The following PARD6B variants were observed in gnomAD, a reference collection of about 807,000 sequenced individuals.
The protein encoded by PARD6B is partitioning defective 6 homolog beta.
Under a neutral mutation model 10.5 loss-of-function variants are expected in PARD6B, and 4 were observed. The observed-to-expected ratio is 0.38, with a 90% CI of 0.19 to 0.87. The LOEUF (loss-of-function observed/expected upper bound fraction) is 0.87, where lower values mean the gene tolerates loss of function less well. PARD6B is among the 40% of genes least tolerant of loss of function. The pLI, the probability that PARD6B is intolerant of heterozygous loss-of-function variation, is 0.41. For synonymous variants in PARD6B, 169 were observed against 170.4 expected, an observed-to-expected ratio of 0.99 and a Z score of 0.07; for missense variants, 396 against 470.6, an observed-to-expected ratio of 0.84 and a Z score of 1.47.
Position 50,750,850 on chromosome 20 carries a change from C to CT in PARD6B, c.*365dup, listed in dbSNP as rs2087601162. ...CTGTGCAGAGCCCAGTTAATTTTTCCTTTAACTGTATTTTTAAAATTCTAA... is the reference window on the plus strand; with the variant it reads ...CTGTGCAGAGCCCAGTTAATTTTTCCTTTTAACTGTATTTTTAAAATTCTAA... On this transcript the variant is annotated 3_prime_UTR_variant, in exon 3 of 3. Coordinates refer to ENST00000371610, the MANE Select transcript of PARD6B (RefSeq NM_032521.3). The CT allele has an allele frequency of 2.0e-6, 2 of 1,005,212 alleles. No individual in the cohort carries two copies. The highest frequency in any genetic ancestry group is 1.2e-6 in the Non-Finnish European group (1 of 841,670). The allele number at this position is 1,005,212 out of a possible 1,614,324, so 62.3% of individuals were successfully genotyped here.
rs868236044 is a variant in PARD6B, at chr20:50,749,558, A to T, written c.290-101A>T. The T allele has an allele frequency of 4.7e-6, 5 of 1,053,266 alleles. No homozygotes were observed. The Middle Eastern group carries it at 8.2e-4, about 174-fold the overall frequency. The allele number at this position is 1,053,266 out of a possible 1,614,324, so 65.2% of individuals were successfully genotyped here. ...AGCTTATTAGCTAGTTTGTTTATAT[A>T]CCAAATATATTTTGAGTTATCCTTT... On this transcript the variant is annotated intron_variant, in intron 2 of 2. Transcript: ENST00000371610.
intron 1 of PARD6B, among the ~76,000 whole-genome samples, chr20:50,736,944 C>T (rs1184825129): frequency 3.9e-5 from 6 of 152,278 alleles, no homozygotes; most frequent in East Asian, 1.9e-4. Flanking sequence ...GTGATCCTCC[C>T]GCCTCAGCCT....
chr20:50,739,676 CA>C (rs1314055110), intron 2 of PARD6B, among the ~76,000 whole-genome samples: 1 of 152,074 alleles, frequency 6.6e-6, no homozygotes, highest in African/African-American at 2.4e-5. Context: ...CTTTCACACA[CA>C]AATTAATGTT....
intron 1 of PARD6B, 66 bp from the exon 2 acceptor site, chr20:50,737,791 C>A: frequency 1.9e-6 from 2 of 1,045,986 alleles, no homozygotes; most frequent in Non-Finnish European, 2.7e-6. Flanking sequence ...CTATGGCATG[C>A]ATTTTCAAAT....
At position 50,753,100 on chromosome 20, in the gene PARD6B, CAG is replaced by C. The variant is rs2087623936; in HGVS notation, c.*2614_*2615del. On this transcript the variant is annotated 3_prime_UTR_variant, in exon 3 of 3. Coordinates refer to ENST00000371610, the MANE Select transcript of PARD6B (RefSeq NM_032521.3). The stretch of plus-strand genomic sequence containing the variant: ...CTTTTTTTTTTTAAAGTTTTAACAT[CAG>C]AACTTTTGGGGGAAAAACTACTTCA... 1 of 982,978 alleles carries C rather than the reference CAG, an allele frequency of 1.0e-6. No homozygotes were observed. Among genetic ancestry groups the C allele is most frequent in the African/African-American group, 1.8e-5 (1 of 56,746 alleles). The allele number at this position is 982,978 out of a possible 1,614,324, so 60.9% of individuals were successfully genotyped here. A position where few individuals can be genotyped will look rare whatever the true frequency, so the allele number is the denominator to read the frequency against.
In PARD6B at chr20:50,738,023, A is replaced by G; in HGVS notation, c.233A>G (p.Tyr78Cys). 6.2e-7 allele frequency: 1 copy of G among 1,612,892 alleles called. No homozygotes were observed. The highest frequency in any genetic ancestry group is 8.5e-7 in the Non-Finnish European group (1 of 1,179,686). ...DLLPINNDDN[Y>C]HKAVSTANPL... ...CTACCTATAAATAATGATGATAATTATCACAAAGCTGTTTCAACGGCCAAT... is the reference window on the plus strand; with the variant it reads ...CTACCTATAAATAATGATGATAATTGTCACAAAGCTGTTTCAACGGCCAAT... The change falls in exon 2 of 3, where the codon TAT (tyrosine) becomes TGT (cysteine). Residue 78 changes from tyrosine to cysteine, a missense_variant. Tyr to Cys is a radical substitution (Grantham distance 194, BLOSUM62 -2). Around this residue, in one of 2 missense-constraint regions of PARD6B, gnomAD observed 208 missense variants for 300.9 expected, o/e 0.69. Coordinates refer to ENST00000371610, the MANE Select transcript of PARD6B (RefSeq NM_032521.3).
Position 50,731,819 on chromosome 20 carries a change from C to T in PARD6B, c.33C>T (p.Ser11=). 1 of 1,463,032 alleles carries T rather than the reference C, an allele frequency of 6.8e-7. No homozygotes were observed. Among genetic ancestry groups the T allele is most frequent in the Non-Finnish European group, 9.0e-7 (1 of 1,112,958 alleles). 90.6% of individuals were successfully genotyped at this position (1,463,032 alleles called of 1,614,324 possible). A position where few individuals can be genotyped will look rare whatever the true frequency, so the allele number is the denominator to read the frequency against. Residue 11 remains serine (S), a synonymous_variant, in exon 1 of 3, where the codon AGC becomes AGT. Coordinates refer to ENST00000371610, the MANE Select transcript of PARD6B (RefSeq NM_032521.3). MNRSHRHGAG[S]GCLGTMEVKS... ...GCAGCCACCGGCACGGGGCGGGCAG[C>T]GGCTGCCTGGGCACTATGGAGGTGA...
chr20:50,751,097 G>A lies in PARD6B; in HGVS notation c.*609G>A. On this transcript the variant is annotated 3_prime_UTR_variant, in exon 3 of 3. Transcript: ENST00000371610. Reference sequence around the variant, plus strand: ...CAGTCCTCCCACCTCAGCCTCCTGAGTAGCTGGGACCATAGGCACATACCA... The same window carrying A: ...CAGTCCTCCCACCTCAGCCTCCTGAATAGCTGGGACCATAGGCACATACCA... 3 of 486,666 alleles carry A rather than the reference G, an allele frequency of 6.2e-6. No homozygotes were observed. The highest frequency in any genetic ancestry group is 8.0e-6 in the Non-Finnish European group (3 of 376,136). 30.1% of individuals were successfully genotyped at this position (486,666 alleles called of 1,614,324 possible). A position where few individuals can be genotyped will look rare whatever the true frequency, so the allele number is the denominator to read the frequency against.
rs2087603188 is a variant in PARD6B at position 50,750,954 on chromosome 20, A to ATTTTTTTTTTTTGTTTTTTTTTTTT, written c.*478_*479insGTTTTTTTTTTTTTTTTTTTTTTTT. The ATTTTTTTTTTTTGTTTTTTTTTTTT allele has an allele frequency of 2.7e-6, 1 of 365,692 alleles. No individual in the cohort carries two copies. The highest frequency in any genetic ancestry group is 3.3e-6 in the Non-Finnish European group (1 of 307,490). 22.7% of individuals were successfully genotyped at this position (365,692 alleles called of 1,614,324 possible). A position where few individuals can be genotyped will look rare whatever the true frequency, so the allele number is the denominator to read the frequency against. ...CTCATGTTCCCAATATTTTATTTTG[A>ATTTTTTTTTTTTGTTTTTTTTTTTT]TTTTTTTTTTTTTTTTTTTTTTTTT... On this transcript the variant is annotated 3_prime_UTR_variant, in exon 3 of 3. Coordinates refer to ENST00000371610, the MANE Select transcript of PARD6B (RefSeq NM_032521.3).
chr20:50,748,597 A>C (rs953823345), intron 2 of PARD6B, among the ~76,000 whole-genome samples: 1 of 152,206 alleles, frequency 6.6e-6, no homozygotes, highest in Non-Finnish European at 1.5e-5. Context: ...CAGTGATCAT[A>C]GTGCGCTGCA....
intron 2 of PARD6B, among the ~76,000 whole-genome samples, chr20:50,739,397 T>C (rs529334106): frequency 8.7e-4 from 132 of 152,060 alleles, no homozygotes; most frequent in African/African-American, 3.2e-3. Context: ...GCCGAGATCG[T>C]ACCACTGCAC....
chr20:50,749,647 A>G lies in PARD6B; in HGVS notation c.290-12A>G, dbSNP rs776227752. The stretch of plus-strand genomic sequence containing the variant: ...AGCATTTCTATAATTATTTTGTTTT[A>G]TTTTTAAACAGAAGAAGCAGACTAC... On this transcript the variant is annotated splice_polypyrimidine_tract_variant and intron_variant, in intron 2 of 2. Transcript: ENST00000371610. 5 of 1,548,466 alleles carry G rather than the reference A, an allele frequency of 3.2e-6. No homozygotes were observed. The highest frequency in any genetic ancestry group is 4.4e-5 in the Admixed American group (2 of 45,640).
At chr20:50,732,063 A>G (rs1307133060) in intron 1 of PARD6B, among the ~76,000 whole-genome samples, 1 of 152,260 alleles carries the variant, frequency 6.6e-6, no homozygotes. Context: ...CCGGGCAGGA[A>G]GAAGACCTAG....
chr20:50,738,175 T>A, intron 2 of PARD6B, 96 bp downstream of exon 2: 1 of 820,812 alleles, frequency 1.2e-6, no homozygotes, highest in Non-Finnish European at 1.8e-6. Flanking sequence ...ACTTAGTGAA[T>A]AAACATTTTG....
chr20:50,735,209 G>T (rs2087493650), intron 1 of PARD6B, among the ~76,000 whole-genome samples: 1 of 152,126 alleles, frequency 6.6e-6, no homozygotes, highest in South Asian at 2.1e-4. Context: ...TTCACACGTG[G>T]AAGGGAAAAA....
At position 50,750,762 on chromosome 20, in the gene PARD6B, A is replaced by G. The variant is rs2087600516; in HGVS notation, c.*274A>G. On this transcript the variant is annotated 3_prime_UTR_variant, in exon 3 of 3. Transcript: ENST00000371610. ...TGTGGAGAATCAGATGTTAAAGCACATTCTTGGAACTATGTGAGAAGACTA... is the reference window on the plus strand; with the variant it reads ...TGTGGAGAATCAGATGTTAAAGCACGTTCTTGGAACTATGTGAGAAGACTA... The G allele has an allele frequency of 5.8e-6, 7 of 1,199,684 alleles. No homozygotes were observed. The highest frequency in any genetic ancestry group is 2.2e-5 in the South Asian group (1 of 45,948). The allele number at this position is 1,199,684 out of a possible 1,614,324, so 74.3% of individuals were successfully genotyped here.
rs1396757366 is a variant in PARD6B, at chr20:50,737,899, C to T, written c.109C>T (p.Pro37Ser). ...TCGGTTTTCGCTGGAAAGATCAAAA[C>T]CTGGAAAATTTGAGGAGTTTTATGG... ...FRRFSLERSK[P>S]GKFEEFYGLL... The change falls in exon 2 of 3, where the codon CCT becomes TCT. Residue 37 changes from proline (P) to serine (S), a missense_variant. Physicochemically the swap from Pro to Ser is moderately conservative, Grantham distance 74. Coordinates refer to ENST00000371610, the MANE Select transcript of PARD6B (RefSeq NM_032521.3). 10 of 1,605,072 alleles carry T rather than the reference C, an allele frequency of 6.2e-6. No homozygotes were observed. The highest frequency in any genetic ancestry group is 1.3e-5 in the African/African-American group (1 of 74,122).
chr20:50,749,766 A>G lies in PARD6B; in HGVS notation c.397A>G (p.Ile133Val). Reference sequence around the variant, plus strand: ...CCATAGAAAAAAGCCACATATAGTCATTAGTATGCCCCAAGACTTTAGACC... The same window carrying G: ...CCATAGAAAAAAGCCACATATAGTCGTTAGTATGCCCCAAGACTTTAGACC... ...DNHRKKPHIV[I>V]SMPQDFRPVS... The change falls in exon 3 of 3, where the codon ATT becomes GTT. Residue 133 changes from isoleucine to valine, a missense_variant. By Grantham distance (29) the Ile-to-Val change is conservative. This residue lies in a region of PARD6B where 208 missense variants were observed against 300.9 expected (regional missense o/e 0.69). Coordinates refer to ENST00000371610, the MANE Select transcript of PARD6B (RefSeq NM_032521.3). 6.2e-7 allele frequency: 1 copy of G among 1,614,230 alleles called. No individual in the cohort carries two copies.
intron 1 of PARD6B, among the ~76,000 whole-genome samples, chr20:50,735,630 A>G (rs1194766366): frequency 6.6e-6 from 1 of 152,000 alleles, no homozygotes; most frequent in Non-Finnish European, 1.5e-5. Context: ...CCTTAATCCT[A>G]TTGTTGTGTT....
Sources: allele counts gnomAD v4.1 joint callset (sites outside exome capture counted in the v4.1 genomes callset), GRCh38; gene constraint gnomAD v4.1.1; regional missense constraint gnomAD v4.1.1; transcripts MANE v1.5; gene names NCBI Gene and HGNC (gene_info 2026-07-23, HGNC 2026-07-21).